ANKS3: variants seen among roughly 807,000 people sequenced by gnomAD.
The protein encoded by ANKS3 is ankyrin repeat and sterile alpha motif domain containing 3.
A neutral mutation model predicts 80.7 loss-of-function variants in ANKS3; 62 were observed. That is an observed-to-expected ratio of 0.77 (90% CI 0.63 to 0.95). ANKS3 has a LOEUF of 0.95. Among genes scored for constraint, ANKS3 ranks in the 40% least tolerant of loss-of-function variants. The pLI, the probability that ANKS3 is intolerant of heterozygous loss-of-function variation, is 0.00. For synonymous variants in ANKS3, 489 were observed against 355.3 expected, an observed-to-expected ratio of 1.38 and a Z score of -4.23; for missense variants, 1,150 against 883.6, an observed-to-expected ratio of 1.30 and a Z score of -3.82.
At chr16:4,706,027 A>T (rs2080170360) in intron 7 of ANKS3, among the ~76,000 whole-genome samples, 1 of 151,206 alleles carries the variant, frequency 6.6e-6, no homozygotes, top group Non-Finnish European at 1.5e-5. Flanking sequence ...CCTCCCGAGT[A>T]GTTGGGAATT....
intron 7 of ANKS3, among the ~76,000 whole-genome samples, chr16:4,711,818 A>C (rs998981698): frequency 6.6e-6 from 1 of 152,064 alleles, no homozygotes. Context: ...AATATAATTT[A>C]CCAAAACTGA....
At chr16:4,705,551 G>A (rs1382949937) in intron 7 of ANKS3, among the ~76,000 whole-genome samples, 1 of 152,138 alleles carries the variant, frequency 6.6e-6, no homozygotes, top group Non-Finnish European at 1.5e-5. Context: ...TGCAACCTCC[G>A]CCTCCTGGGT....
rs767754569 is a variant in ANKS3 at position 4,724,781 on chromosome 16, T to A, written c.542A>T (p.His181Leu). ...TPLMEAAAAG[H>L]EIIVQYFLNH... ...CAGAAAATACTGCACGATTATCTCA[T>A]GGCCAGCAGCAGCTGCTTCCATCAA... is the stretch of plus-strand genomic sequence containing the variant. The change falls in exon 6 of 18, where the codon CAT becomes CTT. Residue 181 changes from histidine (H) to leucine (L), a missense_variant. Coordinates refer to ENST00000304283, the MANE Select transcript of ANKS3 (RefSeq NM_133450.4). 6.2e-7 allele frequency: 1 copy of A among 1,614,152 alleles called. No individual in the cohort carries two copies. Among genetic ancestry groups the A allele is most frequent in the South Asian group, 1.1e-5 (1 of 91,062 alleles).
At chr16:4,700,366 G>A (rs188146956) in intron 11 of ANKS3, 112 of 161,074 alleles carry the variant, frequency 7.0e-4, no homozygotes, top group Non-Finnish European at 1.2e-3. Context: ...GCAGTGAGCC[G>A]AGATCGCGCC....
At position 4,727,074 on chromosome 16, in the gene ANKS3, C is replaced by G. The variant is rs1253606693; in HGVS notation, c.274G>C (p.Gly92Arg). Reference protein sequence around the residue: ...DTIVHLLLEAGVSVNVPTPEG... With the variant: ...DTIVHLLLEARVSVNVPTPEG... Reference sequence around the variant, plus strand: ...GGGGTCGGCACATTCACACTCACCCCCGCCTCAAGCAGCAGGTGCACGATT... The same window carrying G: ...GGGGTCGGCACATTCACACTCACCCGCGCCTCAAGCAGCAGGTGCACGATT... Residue 92 changes from glycine (G) to arginine (R), a missense_variant, in exon 4 of 18, where the codon GGG becomes CGG. Transcript: ENST00000304283. 1 of 1,614,198 alleles carries G rather than the reference C, an allele frequency of 6.2e-7. No individual in the cohort carries two copies. The highest frequency in any genetic ancestry group is 1.1e-5 in the South Asian group (1 of 91,074).
chr16:4,732,877 A>G (rs1448456902), intron 1 of ANKS3, among the ~76,000 whole-genome samples: 2 of 152,174 alleles, frequency 1.3e-5, no homozygotes, highest in Admixed American at 1.3e-4. Flanking sequence ...ACAATGGAGT[A>G]CTATTCAGCC....
Position 4,701,037 on chromosome 16 carries a change from G to C in ANKS3, c.1217C>G (p.Thr406Ser). The C allele has an allele frequency of 1.2e-6, 2 of 1,614,118 alleles. No homozygotes were observed. The highest frequency in any genetic ancestry group is 1.7e-6 in the Non-Finnish European group (2 of 1,180,020). Residue 406 changes from threonine to serine, a missense_variant, in exon 11 of 18, where the codon ACT (threonine) becomes AGT (serine). By Grantham distance (58) the Thr-to-Ser change is moderately conservative. Transcript: ENST00000304283. ...PDSQWPPRAATDREGFLAESS... is the reference protein window; with the variant it reads ...PDSQWPPRAASDREGFLAESS... ...CTCAGCGAGAAAGCCTTCCCTGTCAGTTGCAGCGCGGGGAGGCCACTGGCT... is the reference window on the plus strand; with the variant it reads ...CTCAGCGAGAAAGCCTTCCCTGTCACTTGCAGCGCGGGGAGGCCACTGGCT...
chr16:4,703,046 C>G (rs940098157), intron 8 of ANKS3, among the ~76,000 whole-genome samples: 1 of 152,222 alleles, frequency 6.6e-6, no homozygotes, highest in Admixed American at 6.5e-5. Flanking sequence ...GGGGAACTTA[C>G]TTTCCTCTTT....
At position 4,701,512 on chromosome 16, in the gene ANKS3, G is replaced by C. The variant is rs373861926; in HGVS notation, c.1041C>G (p.Pro347=). Residue 347 remains proline, a synonymous_variant, in exon 10 of 18, where the codon CCC becomes CCG. Coordinates refer to ENST00000304283, the MANE Select transcript of ANKS3 (RefSeq NM_133450.4). ...CCTCGCTGCTGCTGCTGCTCTGGAC[G>C]GGCCCCAGGTTGGCACAGAAAGCAT... The part of the protein sequence containing the change: ...EEHAFCANLG[P]VQSSSSSEGL... The C allele has an allele frequency of 3.7e-6, 6 of 1,611,398 alleles. No individual in the cohort carries two copies. In the South Asian group the frequency reaches 4.4e-5, roughly 12 times the overall value.
chr16:4,698,426 C>A lies in ANKS3; in HGVS notation c.1724+1G>T. On this transcript the variant is annotated splice_donor_variant, in intron 14 of 17. Transcript: ENST00000304283. LOFTEE classifies it high-confidence loss of function. The stretch of plus-strand genomic sequence containing the variant: ...GCCCAGGGCAGCTCAGAGCCACTCA[C>A]CGCAGCTGGTCCAGGACGAGGGCAG... 6.6e-7 allele frequency: 1 copy of A among 1,514,578 alleles called. No individual in the cohort carries two copies. The highest frequency in any genetic ancestry group is 8.8e-7 in the Non-Finnish European group (1 of 1,136,692). 93.8% of individuals were successfully genotyped at this position (1,514,578 alleles called of 1,614,324 possible).
intron 6 of ANKS3, among the ~76,000 whole-genome samples, chr16:4,718,998 A>G (rs996636625): frequency 2.6e-5 from 4 of 152,246 alleles, no homozygotes; most frequent in African/African-American, 9.6e-5. Context: ...GACTGATAAG[A>G]AAATGAGGTG....
chr16:4,732,508 T>C, intron 1 of ANKS3, among the ~76,000 whole-genome samples: 1 of 151,820 alleles, frequency 6.6e-6, no homozygotes, highest in East Asian at 1.9e-4. Context: ...AATGGTGAAC[T>C]CCCATCTTTA....
rs186419033 is a variant in ANKS3, at chr16:4,726,796, G to T, written c.370-16C>A. On this transcript the variant is annotated splice_polypyrimidine_tract_variant and intron_variant, in intron 4 of 17. Coordinates refer to ENST00000304283, the MANE Select transcript of ANKS3 (RefSeq NM_133450.4). ...CTGCACCTTGCTTCAAGAGAACACA[G>T]AACGTGCGTTACGGCCTCATCTCCT... 5 of 1,610,390 alleles carry T rather than the reference G, an allele frequency of 3.1e-6. No homozygotes were observed. Among genetic ancestry groups the T allele is most frequent in the Non-Finnish European group, 3.4e-6 (4 of 1,177,082 alleles).
rs985448959 is a variant in ANKS3 at position 4,734,153 on chromosome 16, C to G, written c.-286G>C. ...GCTGGGGCCGGGCCGCCGCGGAACC[C>G]ACCTGTGCTGGGCCTCAGGCCTTGC... On this transcript the variant is annotated 5_prime_UTR_variant, in exon 1 of 18. Transcript: ENST00000304283. The G allele has an allele frequency of 4.1e-6, 2 of 482,444 alleles. No individual in the cohort carries two copies. Among genetic ancestry groups the G allele is most frequent in the Non-Finnish European group, 5.4e-6 (2 of 370,188 alleles). 29.9% of individuals were successfully genotyped at this position (482,444 alleles called of 1,614,324 possible).
intron 5 of ANKS3, 61 bp downstream of exon 5, chr16:4,726,598 C>T: frequency 6.4e-6 from 10 of 1,571,488 alleles, no homozygotes; most frequent in Non-Finnish European, 8.7e-6. Context: ...CCAGAGCCAC[C>T]CTCCTTAGAG....
Position 4,705,969 on chromosome 16 carries a change from C to T in ANKS3, c.710-716G>A, listed in dbSNP as rs373755877. Among the ~76,000 whole-genome samples, 5 of 151,870 alleles carry T rather than the reference C, an allele frequency of 3.3e-5. No homozygotes were observed. The East Asian group carries it at 5.8e-4, about 18-fold the overall frequency. The stretch of plus-strand genomic sequence containing the variant: ...GAGAAGGAGTTTTGCTCTTGCTGCC[C>T]AGGCTGGAACTTCCGCCTCCTGGGT... On this transcript the variant is annotated intron_variant, in intron 7 of 17. Coordinates refer to ENST00000304283, the MANE Select transcript of ANKS3 (RefSeq NM_133450.4).
intron 9 of ANKS3, 48 bp from the exon 10 acceptor site, chr16:4,701,591 C>G: frequency 6.5e-7 from 1 of 1,547,044 alleles, no homozygotes; most frequent in Non-Finnish European, 8.8e-7. Flanking sequence ...CACCGAGGTG[C>G]TGCGCATGGG....
At chr16:4,705,333 G>A in intron 7 of ANKS3, 80 bp from the exon 8 acceptor site, 1 of 1,521,524 alleles carries the variant, frequency 6.6e-7, no homozygotes, top group South Asian at 1.2e-5. Flanking sequence ...CTGAAAGAAA[G>A]TGACTGTCGC....
Position 4,714,279 on chromosome 16 carries a change from T to C in ANKS3, c.574-93A>G, listed in dbSNP as rs1430127603. The C allele has an allele frequency of 2.0e-6, 3 of 1,533,102 alleles. No individual in the cohort carries two copies. The African/African-American group carries it at 4.1e-5, about 21-fold the overall frequency. 95.0% of individuals were successfully genotyped at this position (1,533,102 alleles called of 1,614,324 possible). A position where few individuals can be genotyped will look rare whatever the true frequency, so the allele number is the denominator to read the frequency against. On this transcript the variant is annotated intron_variant, in intron 6 of 17. Coordinates refer to ENST00000304283, the MANE Select transcript of ANKS3 (RefSeq NM_133450.4). ...GCTGGGAAGACAGAAGGGCATATGC[T>C]GGTTTCTGACTGCCTCCCTGTGTGG...
Sources: allele counts gnomAD v4.1 joint callset (sites outside exome capture counted in the v4.1 genomes callset), GRCh38; gene constraint gnomAD v4.1.1; transcripts MANE v1.5; gene names NCBI Gene and HGNC (gene_info 2026-07-23, HGNC 2026-07-21).